The following LAD1 variants were observed in gnomAD, a reference collection of about 807,000 sequenced individuals.
LAD1 encodes the protein ladinin 1, also known as ladinin-1.
A neutral mutation model predicts 54.2 loss-of-function variants in LAD1; 53 were observed. That is an observed-to-expected ratio of 0.98 (90% CI 0.78 to 1.23). LAD1 has a LOEUF of 1.23. Ranked by LOEUF, LAD1 falls within the 50% of genes most tolerant of loss-of-function variation. The pLI is 0.00. For missense variants in LAD1, 637 were observed against 653.3 expected, an observed-to-expected ratio of 0.98 and a Z score of 0.27; for synonymous variants, 231 against 257.7, an observed-to-expected ratio of 0.90 and a Z score of 0.99.
intron 8 of LAD1, 150 bp from the exon 9 acceptor site, chr1:201,382,476 C>T (rs1661982408): frequency 1.3e-6 from 1 of 761,062 alleles, no homozygotes; most frequent in East Asian, 2.6e-5. Context: ...CTGCCAGAGT[C>T]TGACCCACAC....
At chr1:201,397,035 G>C (rs533880087) in intron 1 of LAD1, among the ~76,000 whole-genome samples, 1 of 152,194 alleles carries the variant, frequency 6.6e-6, no homozygotes, top group Non-Finnish European at 1.5e-5. Context: ...AGGGCACCCA[G>C]CCAGCCAGCT....
Position 201,386,459 on chromosome 1 carries a change from C to A in LAD1, c.902G>T (p.Ser301Ile). Reference protein sequence around the residue: ...LAQEPPASGGSPATTKEQRGR... With the variant: ...LAQEPPASGGIPATTKEQRGR... ...TCTCTGCTCCTTGGTGGTGGCTGGGCTTCCCCCAGAGGCTGGCGGCTCCTG... is the reference window on the plus strand; with the variant it reads ...TCTCTGCTCCTTGGTGGTGGCTGGGATTCCCCCAGAGGCTGGCGGCTCCTG... The change falls in exon 3 of 10, where the codon AGC becomes ATC. Residue 301 changes from serine to isoleucine, a missense_variant. Coordinates refer to ENST00000391967, the MANE Select transcript of LAD1 (RefSeq NM_005558.4). 1.3e-6 allele frequency: 2 copies of A among 1,547,032 alleles called. No individual in the cohort carries two copies. Among genetic ancestry groups the A allele is most frequent in the Non-Finnish European group, 8.7e-7 (1 of 1,153,268 alleles).
chr1:201,383,796 CT>C (rs1213643161), intron 5 of LAD1, among the ~76,000 whole-genome samples: 1 of 152,174 alleles, frequency 6.6e-6, no homozygotes, highest in Non-Finnish European at 1.5e-5. Flanking sequence ...CCCCATAGGC[CT>C]TGGCACAGCA....
At chr1:201,391,303 A>T in intron 1 of LAD1, 1 of 373,630 alleles carries the variant, frequency 2.7e-6, no homozygotes, top group Non-Finnish European at 5.2e-6. Context: ...CCAAGCAGGC[A>T]TTCTACAGCC....
chr1:201,386,550 TCTC>T lies in LAD1; in HGVS notation c.808_810del (p.Glu270del), dbSNP rs1359407515. 1 of 1,613,236 alleles carries T rather than the reference TCTC, an allele frequency of 6.2e-7. No individual in the cohort carries two copies. The highest frequency in any genetic ancestry group is 8.5e-7 in the Non-Finnish European group (1 of 1,179,730). On this transcript the variant is annotated inframe_deletion, in exon 3 of 10. Coordinates refer to ENST00000391967, the MANE Select transcript of LAD1 (RefSeq NM_005558.4). ...GGCTTAGCATCTGCAGTTGGGCTCTTCTCTGAGGCCAGTGCCTTCTCAAAGATG... is the reference window on the plus strand; with the variant it reads ...GGCTTAGCATCTGCAGTTGGGCTCTTTGAGGCCAGTGCCTTCTCAAAGATG...
At chr1:201,384,753 T>TG in intron 5 of LAD1, 39 bp downstream of exon 5, 1 of 1,609,594 alleles carries the variant, frequency 6.2e-7, no homozygotes, top group Non-Finnish European at 8.5e-7. Context: ...AGCCTGAACA[T>TG]GGCCAAATAG....
intron 1 of LAD1, among the ~76,000 whole-genome samples, chr1:201,397,670 A>C (rs908450897): frequency 1.3e-5 from 2 of 152,140 alleles, no homozygotes. Context: ...AACCCAATGC[A>C]CAGTACTGAG....
At chr1:201,389,137 A>G (rs1467694631) in intron 2 of LAD1, 23 bp downstream of exon 2, 1 of 1,609,532 alleles carries the variant, frequency 6.2e-7, no homozygotes, top group East Asian at 2.2e-5. Context: ...CCCATCCATC[A>G]GGATAGAAAC....
intron 8 of LAD1, 74 bp from the exon 9 acceptor site, chr1:201,382,400 G>A (rs1661980639): frequency 1.7e-6 from 2 of 1,183,722 alleles, no homozygotes; most frequent in Admixed American, 3.4e-5. Flanking sequence ...CCCAGGCCCA[G>A]CTCCCAGCCC....
intron 5 of LAD1, among the ~76,000 whole-genome samples, chr1:201,383,883 T>C (rs1662022188): frequency 6.6e-6 from 1 of 152,222 alleles, no homozygotes; most frequent in Non-Finnish European, 1.5e-5. Context: ...CTGGACACCA[T>C]GCTCTTCACT....
intron 4 of LAD1, 102 bp downstream of exon 4, chr1:201,385,599 G>A: frequency 2.3e-6 from 2 of 854,970 alleles, no homozygotes; most frequent in Non-Finnish European, 2.0e-6. Flanking sequence ...CTCTATCCAG[G>A]GGACCTTCCT....
chr1:201,386,298 C>T, intron 3 of LAD1, 37 bp downstream of exon 3: 5 of 1,386,176 alleles, frequency 3.6e-6, no homozygotes, highest in Non-Finnish European at 4.7e-6. Flanking sequence ...AGCCAGGTGG[C>T]AGAGTAGAAG....
At chr1:201,384,320 G>T (rs1662029327) in intron 5 of LAD1, among the ~76,000 whole-genome samples, 1 of 152,064 alleles carries the variant, frequency 6.6e-6, no homozygotes, top group Admixed American at 6.6e-5. Flanking sequence ...CTGCTTCTCA[G>T]ATCCTATTTC....
Position 201,383,073 on chromosome 1 carries a change from C to A in LAD1, c.1386+1G>T. The A allele has an allele frequency of 3.1e-6, 5 of 1,611,690 alleles. No individual in the cohort carries two copies. The highest frequency in any genetic ancestry group is 4.2e-6 in the Non-Finnish European group (5 of 1,178,270). ...GACCCTGTGGGGCCTGAGCCCCTCA[C>A]CTTCCGGCTGGAGGCTGGTTCTGCT... On this transcript the variant is annotated splice_donor_variant, in intron 7 of 9. Transcript: ENST00000391967. LOFTEE classifies it high-confidence loss of function.
At chr1:201,397,618 G>C (rs999003149) in intron 1 of LAD1, among the ~76,000 whole-genome samples, 10 of 151,476 alleles carry the variant, frequency 6.6e-5, no homozygotes, top group African/African-American at 2.4e-4. Flanking sequence ...TATCCCACCA[G>C]ACTATGAACT....
chr1:201,385,702 C>G lies in LAD1; in HGVS notation c.1130G>C (p.Arg377Pro). The G allele has an allele frequency of 6.2e-7, 1 of 1,612,830 alleles. No individual in the cohort carries two copies. The highest frequency in any genetic ancestry group is 8.5e-7 in the Non-Finnish European group (1 of 1,178,800). The change falls in exon 4 of 10, where the codon CGG becomes CCG. Residue 377 changes from arginine to proline, a missense_variant and splice_region_variant. Coordinates refer to ENST00000391967, the MANE Select transcript of LAD1 (RefSeq NM_005558.4). ...KRSSPRTISFRMKPKKENSET... is the reference protein window; with the variant it reads ...KRSSPRTISFPMKPKKENSET... ...GACCAGGGTGCCCAGGGCTCTCACCCGAAAGGAGATGGTCCTGGGGCTGGA... is the reference window on the plus strand; with the variant it reads ...GACCAGGGTGCCCAGGGCTCTCACCGGAAAGGAGATGGTCCTGGGGCTGGA...
chr1:201,388,906 C>T (rs1479470316), intron 2 of LAD1, among the ~76,000 whole-genome samples: 3 of 152,152 alleles, frequency 2.0e-5, no homozygotes, highest in African/African-American at 7.2e-5. Context: ...GTGTGGATTA[C>T]GTGAGCTATG....
chr1:201,390,210 T>C (rs1662174606), intron 1 of LAD1, among the ~76,000 whole-genome samples: 1 of 151,674 alleles, frequency 6.6e-6, no homozygotes, highest in South Asian at 2.1e-4. Context: ...TGAGCCACTG[T>C]GCTGGGCTGC....
intron 1 of LAD1, chr1:201,397,221 GACTC>G (rs906385985): frequency 6.6e-6 from 1 of 152,508 alleles, no homozygotes; most frequent in African/African-American, 2.4e-5. Context: ...TGTTGACAGT[GACTC>G]ACAGCCCTTT....
Sources: allele counts gnomAD v4.1 joint callset (sites outside exome capture counted in the v4.1 genomes callset), GRCh38; gene constraint gnomAD v4.1.1; transcripts MANE v1.5; gene names NCBI Gene and HGNC (gene_info 2026-07-23, HGNC 2026-07-21).